APOL3: variants seen among roughly 807,000 people sequenced by gnomAD.
APOL3 encodes the protein TNF-inducible protein CG12-1.
A neutral mutation model predicts 11.6 loss-of-function variants in APOL3; 14 were observed. The ratio of observed to expected loss-of-function variants is 1.21; its 90% CI spans 0.80 to 1.89. APOL3 has a LOEUF of 1.89. Ranked by LOEUF, APOL3 falls within the 40% of genes most tolerant of loss-of-function variation. The probability of loss-of-function intolerance (pLI) is 0.00; values close to 1 mark genes in which losing one functional copy is unlikely to be tolerated. For missense variants in APOL3, 483 were observed against 492.1 expected (o/e 0.98, Z 0.17); for synonymous variants, 192 against 190.6 (o/e 1.01, Z -0.06).
chr22:36,157,219 G>T (rs1010865613), intron 1 of APOL3, among the ~76,000 whole-genome samples: 1 of 152,058 alleles, frequency 6.6e-6, no homozygotes, highest in African/African-American at 2.4e-5. Context: ...CTCCCCCACG[G>T]CAATGGCCCA....
At chr22:36,163,220 C>T (rs2013776195), upstream of APOL3, among the ~76,000 whole-genome samples, 2 of 152,196 alleles carry the variant, frequency 1.3e-5, no homozygotes, top group Non-Finnish European at 2.9e-5. Context: ...TCCCTTTAGA[C>T]TGGGCATTTT....
At chr22:36,145,917 C>T (rs534659470) in intron 1 of APOL3, among the ~76,000 whole-genome samples, 1 of 151,696 alleles carries the variant, frequency 6.6e-6, no homozygotes, top group African/African-American at 2.4e-5. Flanking sequence ...CTCTCTCTCT[C>T]TCCTCACCCC....
chr22:36,145,707 G>A (rs1603474694), intron 1 of APOL3, 108 bp from the exon 3 acceptor site: 2 of 1,412,646 alleles, frequency 1.4e-6, no homozygotes, highest in Non-Finnish European at 1.9e-6. Context: ...CTGTCACATG[G>A]GGTATTTTTG....
intron 1 of APOL3, among the ~76,000 whole-genome samples, chr22:36,146,694 C>T (rs771243324): frequency 4.6e-5 from 7 of 152,112 alleles, no homozygotes; most frequent in Admixed American, 1.3e-4. Context: ...CACTCCCACA[C>T]TGGTCAACGC....
chr22:36,149,975 TA>T lies in APOL3; in HGVS notation c.224-4377del, dbSNP rs377466128. On this transcript the variant is annotated intron_variant, in intron 1 of 2. Coordinates refer to ENST00000349314, the Ensembl canonical transcript of APOL3. Reference sequence around the variant, plus strand: ...GTACATACCACCACGCTAGGCACATTAAAAAAAAATTTTTTTTAGAAATGTG... The same window carrying T: ...GTACATACCACCACGCTAGGCACATTAAAAAAAATTTTTTTTAGAAATGTG... 1,186 of 432,508 alleles carry T rather than the reference TA, an allele frequency of 2.7e-3. 10 individuals are homozygous for T. Among genetic ancestry groups the T allele is most frequent in the African/African-American group, 0.011 (513 of 48,658 alleles). The allele number at this position is 432,508 out of a possible 1,614,324, so 26.8% of individuals were successfully genotyped here. A position where few individuals can be genotyped will look rare whatever the true frequency, so the allele number is the denominator to read the frequency against.
At chr22:36,141,499 T>C in exon 3 of APOL3, 1 of 1,614,192 alleles carries the variant, frequency 6.2e-7, no homozygotes, top group Non-Finnish European at 8.5e-7. Flanking sequence ...AGTCGGGCCC[T>C]GGCTCTGGCT....
intron 2 of APOL3, among the ~76,000 whole-genome samples, chr22:36,144,421 G>T (rs925063202): frequency 1.3e-5 from 2 of 152,030 alleles, no homozygotes; most frequent in Admixed American, 1.3e-4. Flanking sequence ...TTAACCACAC[G>T]CCCATCTGAT....
At chr22:36,148,995 A>G (rs1365820225) in intron 1 of APOL3, 51 bp downstream of exon 2, 4 of 1,362,444 alleles carry the variant, frequency 2.9e-6, no homozygotes, top group African/African-American at 1.5e-5. Flanking sequence ...GCCACCCTCC[A>G]TTCTAGGTGC....
intron 1 of APOL3, among the ~76,000 whole-genome samples, chr22:36,158,949 T>C (rs1337310703): frequency 6.7e-6 from 1 of 148,746 alleles, no homozygotes; most frequent in Non-Finnish European, 1.5e-5. Flanking sequence ...GAAATCTGAA[T>C]AGCAGGTGTG....
intron 1 of APOL3, among the ~76,000 whole-genome samples, chr22:36,152,830 T>C (rs79290566): frequency 0.014 from 2,201 of 152,230 alleles, 42 homozygotes; most frequent in African/African-American, 0.051. Context: ...AAAAGCTGGC[T>C]AGGCACACTG....
chr22:36,153,117 A>T (rs542043502), intron 1 of APOL3, among the ~76,000 whole-genome samples: 1 of 151,658 alleles, frequency 6.6e-6, no homozygotes, highest in African/African-American at 2.4e-5. Flanking sequence ...GTCTCAGAAA[A>T]TAAAAAAAGG....
intron 1 of APOL3, chr22:36,156,145 AACGC>A: frequency 6.4e-6 from 1 of 155,776 alleles, no homozygotes; most frequent in Non-Finnish European, 1.4e-5. Context: ...CCCAGGCTGG[AACGC>A]AGTGGCACCA....
intron 2 of APOL3, 44 bp from the exon 4 acceptor site, chr22:36,142,102 A>C (rs1242654420): frequency 6.5e-7 from 1 of 1,539,116 alleles, no homozygotes; most frequent in Admixed American, 2.1e-5. Flanking sequence ...CAGCTTACTT[A>C]TCTGTAAAAT....
At chr22:36,164,087 T>C (rs1277170547), upstream of APOL3, among the ~76,000 whole-genome samples, 1 of 152,236 alleles carries the variant, frequency 6.6e-6, no homozygotes, top group Non-Finnish European at 1.5e-5. Context: ...TAAACTAGAT[T>C]AACCCTTGCA....
At chr22:36,161,533 C>T (rs2013694394), upstream of APOL3, 1 of 153,624 alleles carries the variant, frequency 6.5e-6, no homozygotes, top group Non-Finnish European at 1.4e-5. Context: ...GCCAGGAGCA[C>T]CTGCTACCTT....
At position 36,160,655 on chromosome 22, in the gene APOL3, C is replaced by T. The variant is rs757802409; in HGVS notation, c.223+14G>A. On this transcript the variant is annotated intron_variant, in intron 1 of 2. Coordinates refer to ENST00000349314, the Ensembl canonical transcript of APOL3. ...GATGGGGAGATGGGGAAGGTCAGACCACCCCTAACTTACCAAGGAAGCTTC... is the reference window on the plus strand; with the variant it reads ...GATGGGGAGATGGGGAAGGTCAGACTACCCCTAACTTACCAAGGAAGCTTC... The T allele has an allele frequency of 6.2e-7, 1 of 1,613,498 alleles. No homozygotes were observed. Among genetic ancestry groups the T allele is most frequent in the South Asian group, 1.1e-5 (1 of 91,074 alleles).
At chr22:36,145,642 AC>A (rs1569529093) in intron 1 of APOL3, 43 bp from the exon 3 acceptor site, 2 of 1,608,246 alleles carry the variant, frequency 1.2e-6, no homozygotes, top group Admixed American at 1.7e-5. Flanking sequence ...AAAGTGTGCT[AC>A]AGCCTAAATG....
chr22:36,164,711 T>A (rs1256246014), upstream of APOL3: 1 of 152,206 alleles, frequency 6.6e-6, no homozygotes, highest in Non-Finnish European at 1.5e-5. Flanking sequence ...CACCAGAATA[T>A]CATTTTAAAC....
At chr22:36,165,670 G>A (rs552761027), upstream of APOL3, 4 of 152,092 alleles carry the variant, frequency 2.6e-5, no homozygotes, top group South Asian at 2.1e-4. Flanking sequence ...CAAGGTTACC[G>A]CGAGGTCTCA....
Sources: allele counts gnomAD v4.1 joint callset (sites outside exome capture counted in the v4.1 genomes callset), GRCh38; gene constraint gnomAD v4.1.1; transcripts MANE v1.5; gene names NCBI Gene and HGNC (gene_info 2026-07-23, HGNC 2026-07-21).